NPRL3: variants seen among roughly 807,000 people sequenced by gnomAD.
NPRL3 encodes the protein GATOR1 complex protein NPRL3.
In NPRL3, 23 loss-of-function variants were observed where a neutral mutation model predicts 57.2. The observed-to-expected ratio is 0.40, with a 90% confidence interval of 0.29 to 0.57. The LOEUF (loss-of-function observed/expected upper bound fraction) is 0.57, where lower values mean the gene tolerates loss of function less well. NPRL3 is among the 20% of genes least tolerant of loss of function. NPRL3 has a pLI of 0.42. For synonymous variants in NPRL3, 333 were observed against 321.1 expected (o/e 1.04, Z -0.39); for missense variants, 691 against 767.1 (o/e 0.90, Z 1.17).
chr16:135,563 C>T (rs1486362333), intron 2 of NPRL3, among the ~76,000 whole-genome samples: 2 of 136,262 alleles, frequency 1.5e-5, no homozygotes, highest in African/African-American at 5.7e-5. Context: ...GAGCCAAGAT[C>T]AGGCCATTGC....
chr16:107,908 A>T (rs1411616699), intron 7 of NPRL3, among the ~76,000 whole-genome samples: 1 of 152,246 alleles, frequency 6.6e-6, no homozygotes, highest in Non-Finnish European at 1.5e-5. Context: ...GAATAAGGGA[A>T]CAATGTCCAA....
rs544608207 is a variant in NPRL3 at position 134,794 on chromosome 16, C to T, written c.118+3356G>A. Among the ~76,000 whole-genome samples the T allele has an allele frequency of 2.6e-3, 387 of 149,104 alleles. 2 individuals carry two copies. The highest frequency in any genetic ancestry group is 9.0e-3 in the African/African-American group (366 of 40,584). ...TCGGCTCACTGCAAGCTCCGCCTCC[C>T]GGGTTCACGCCATTCTCCTGCCTCA... On this transcript the variant is annotated intron_variant, in intron 2 of 13. Transcript: ENST00000611875.
At position 89,697 on chromosome 16, in the gene NPRL3, G is replaced by T; in HGVS notation, c.1351+16C>A. The T allele has an allele frequency of 6.5e-7, 1 of 1,548,366 alleles. No individual in the cohort carries two copies. Among genetic ancestry groups the T allele is most frequent in the African/African-American group, 1.4e-5 (1 of 72,408 alleles). The stretch of plus-strand genomic sequence containing the variant: ...CGTCTCCCCTGACTACCACAGCGGT[G>T]CCCTGGGGGTCCTACTTGGGGAGCC... On this transcript the variant is annotated intron_variant, in intron 12 of 13. Coordinates refer to ENST00000611875, the MANE Select transcript of NPRL3 (RefSeq NM_001077350.3).
rs768633100 is a variant in NPRL3 at position 85,783 on chromosome 16, G to C, written c.*922C>G. 1.4e-6 allele frequency: 2 copies of C among 1,476,410 alleles called. No individual in the cohort carries two copies. Among genetic ancestry groups the C allele is most frequent in the African/African-American group, 1.4e-5 (1 of 70,778 alleles). The allele number at this position is 1,476,410 out of a possible 1,614,324, so 91.5% of individuals were successfully genotyped here. Reference sequence around the variant, plus strand: ...AGCAGGACACACAGGCCTGAGCAAAGGGCCTGCCCAGACAAGATTTTTTAA... The same window carrying C: ...AGCAGGACACACAGGCCTGAGCAAACGGCCTGCCCAGACAAGATTTTTTAA... On this transcript the variant is annotated 3_prime_UTR_variant, in exon 14 of 14. Transcript: ENST00000611875.
chr16:131,342 G>T (rs1900782125), intron 2 of NPRL3, among the ~76,000 whole-genome samples: 1 of 149,516 alleles, frequency 6.7e-6, no homozygotes, highest in African/African-American at 2.5e-5. Flanking sequence ...AGCCGGGCGT[G>T]GTGGTGGGTG....
At chr16:109,891 T>C (rs999097305) in intron 7 of NPRL3, among the ~76,000 whole-genome samples, 5 of 152,218 alleles carry the variant, frequency 3.3e-5, no homozygotes, top group Admixed American at 6.5e-5. Context: ...CATTCTTCTA[T>C]TGGGAAATAT....
intron 13 of NPRL3, 47 bp downstream of exon 13, chr16:88,651 C>G: frequency 4.5e-6 from 7 of 1,540,692 alleles, no homozygotes; most frequent in Non-Finnish European, 6.2e-6. Context: ...ACTTTCTGCC[C>G]TGACCCTGCA....
chr16:86,941 C>T, intron 13 of NPRL3, 71 bp from the exon 14 acceptor site: 7 of 1,475,008 alleles, frequency 4.7e-6, no homozygotes, highest in Non-Finnish European at 6.5e-6. Flanking sequence ...AGAGCCACTG[C>T]TGGGAATCAG....
At chr16:114,795 A>G (rs982830900) in intron 5 of NPRL3, among the ~76,000 whole-genome samples, 2 of 152,078 alleles carry the variant, frequency 1.3e-5, no homozygotes, top group Non-Finnish European at 2.9e-5. Flanking sequence ...TTTTATACAG[A>G]TATCTTCTGA....
chr16:96,832 C>G (rs1899028886), intron 9 of NPRL3, among the ~76,000 whole-genome samples: 1 of 152,064 alleles, frequency 6.6e-6, no homozygotes, highest in Non-Finnish European at 1.5e-5. Context: ...AGTGCTCTCA[C>G]AGAGGATAGA....
chr16:118,900 G>A (rs1169223245), intron 4 of NPRL3, among the ~76,000 whole-genome samples: 1 of 151,224 alleles, frequency 6.6e-6, no homozygotes, highest in East Asian at 2.0e-4. Context: ...CCCAGGGGGA[G>A]CCACACCTTC....
At chr16:135,746 T>C (rs549853780) in intron 2 of NPRL3, among the ~76,000 whole-genome samples, 4 of 152,072 alleles carry the variant, frequency 2.6e-5, no homozygotes, top group African/African-American at 7.2e-5. Context: ...GAGATTAGAC[T>C]GAAAACTCCA....
At chr16:97,771 C>T (rs1366847515) in intron 9 of NPRL3, among the ~76,000 whole-genome samples, 1 of 152,170 alleles carries the variant, frequency 6.6e-6, no homozygotes, top group African/African-American at 2.4e-5. Flanking sequence ...CCCTTAGTTC[C>T]CGTATGTTGT....
At chr16:127,534 C>T (rs953580100) in intron 3 of NPRL3, among the ~76,000 whole-genome samples, 1 of 152,156 alleles carries the variant, frequency 6.6e-6, no homozygotes, top group African/African-American at 2.4e-5. Flanking sequence ...CGCTCCCGGC[C>T]CCAAAAGAAC....
intron 10 of NPRL3, 41 bp from the exon 11 acceptor site, chr16:92,766 C>G: frequency 1.2e-6 from 2 of 1,607,400 alleles, no homozygotes; most frequent in Middle Eastern, 1.7e-4. Context: ...AGCAGACCCC[C>G]CCACCGTGTT....
At chr16:87,284 T>G (rs1243264146) in intron 13 of NPRL3, among the ~76,000 whole-genome samples, 3 of 152,032 alleles carry the variant, frequency 2.0e-5, no homozygotes, top group African/African-American at 7.2e-5. Flanking sequence ...CAGGCTAGAT[T>G]GCAGTGGCTC....
At chr16:126,618 C>G (rs1900531857) in intron 3 of NPRL3, among the ~76,000 whole-genome samples, 1 of 151,972 alleles carries the variant, frequency 6.6e-6, no homozygotes, top group Non-Finnish European at 1.5e-5. Flanking sequence ...ATGCCCACAC[C>G]AGCCTTTCTG....
intron 7 of NPRL3, among the ~76,000 whole-genome samples, chr16:101,662 T>G (rs1899304935): frequency 6.6e-6 from 1 of 152,152 alleles, no homozygotes; most frequent in African/African-American, 2.4e-5. Context: ...CACTGGCCCC[T>G]CTGACTACCG....
At chr16:105,064 A>G (rs950378697) in intron 7 of NPRL3, among the ~76,000 whole-genome samples, 1 of 152,180 alleles carries the variant, frequency 6.6e-6, no homozygotes, top group Admixed American at 6.5e-5. Flanking sequence ...AACACTCTGG[A>G]GGAAAACACT....
Sources: allele counts gnomAD v4.1 joint callset (sites outside exome capture counted in the v4.1 genomes callset), GRCh38; gene constraint gnomAD v4.1.1; transcripts MANE v1.5; gene names NCBI Gene and HGNC (gene_info 2026-07-23, HGNC 2026-07-21).